Variants in ZNF362 observed in about 807,000 individuals in gnomAD.
ZNF362 encodes the protein rotund homolog.
ZNF362 carries 11 observed loss-of-function variants against 42.9 expected under a neutral mutation model. The observed-to-expected ratio is 0.26, with a 90% CI of 0.16 to 0.42. The LOEUF is 0.42. Ranked by LOEUF, ZNF362 falls within the 20% of genes least tolerant of loss-of-function variation. ZNF362 has a pLI of 1.00. For synonymous variants in ZNF362, 255 were observed against 257.3 expected, an observed-to-expected ratio of 0.99 and a Z score of 0.09; for missense variants, 362 against 576.2, an observed-to-expected ratio of 0.63 and a Z score of 3.81.
chr1:33,198,748 G>T, the ZNF362 span, among the ~76,000 whole-genome samples: 1 of 152,132 alleles, frequency 6.6e-6, no homozygotes, highest in Non-Finnish European at 1.5e-5. Context: ...AGGAGGCAAA[G>T]ACTTTAAAAC....
chr1:33,238,368 A>T, the ZNF362 span, among the ~76,000 whole-genome samples: 10 of 103,940 alleles, frequency 9.6e-5, no homozygotes, highest in African/African-American at 3.3e-4. Flanking sequence ...TAAAATAATA[A>T]AATAAAATAA....
the ZNF362 span, among the ~76,000 whole-genome samples, chr1:33,237,313 C>CTGT: frequency 6.6e-6 from 1 of 152,102 alleles, no homozygotes; most frequent in Admixed American, 6.5e-5. Context: ...GGTACTGTTA[C>CTGT]TGTTGTTGTT....
intron 2 of ZNF362, among the ~76,000 whole-genome samples, chr1:33,272,832 C>T (rs1645914253): frequency 6.6e-6 from 1 of 152,258 alleles, no homozygotes; most frequent in East Asian, 1.9e-4. Context: ...CTGCAGCTCT[C>T]TTTGGTGTCT....
the ZNF362 span, among the ~76,000 whole-genome samples, chr1:33,135,261 C>T: frequency 6.6e-6 from 1 of 152,276 alleles, no homozygotes; most frequent in South Asian, 2.1e-4. Flanking sequence ...GCACTCCTGC[C>T]TGGGTGACAG....
the ZNF362 span, among the ~76,000 whole-genome samples, chr1:33,247,336 C>A: frequency 2.0e-5 from 3 of 152,236 alleles, no homozygotes; most frequent in Non-Finnish European, 4.4e-5. Context: ...GGGGAGTGAA[C>A]CACCCAAACC....
the ZNF362 span, among the ~76,000 whole-genome samples, chr1:33,170,690 C>G: frequency 6.6e-6 from 1 of 152,276 alleles, no homozygotes; most frequent in South Asian, 2.1e-4. Context: ...GAAGGTAGGA[C>G]TTAGAAGGCT....
intron 8 of ZNF362, among the ~76,000 whole-genome samples, chr1:33,298,285 G>A (rs1646139300): frequency 6.6e-6 from 1 of 152,198 alleles, no homozygotes; most frequent in Admixed American, 6.5e-5. Context: ...AGGAGGTTGA[G>A]GCTGTGGTGA....
At chr1:33,255,530 C>G (rs1282263672), upstream of ZNF362, among the ~76,000 whole-genome samples, 1 of 151,756 alleles carries the variant, frequency 6.6e-6, no homozygotes, top group Non-Finnish European at 1.5e-5. Flanking sequence ...TGACACAGCT[C>G]GGGAGGCCGA....
At chr1:33,159,967 G>T in the ZNF362 span, 1 of 1,591,970 alleles carries the variant, frequency 6.3e-7, no homozygotes, top group Non-Finnish European at 8.5e-7. The surrounding 1 kb of genome is among the most constrained non-coding windows in gnomAD (Gnocchi z 4.2). Flanking sequence ...GTCGTCAGGG[G>T]TTATGGCTGG....
the ZNF362 span, among the ~76,000 whole-genome samples, chr1:33,217,162 T>C: frequency 1.6e-4 from 24 of 152,178 alleles, no homozygotes; most frequent in African/African-American, 5.3e-4. Flanking sequence ...TTGGAGATAA[T>C]TGTACTCCCA....
chr1:33,177,027 A>C, the ZNF362 span, among the ~76,000 whole-genome samples: 1 of 122,422 alleles, frequency 8.2e-6, no homozygotes, highest in South Asian at 2.7e-4. The surrounding 1 kb of genome is among the most constrained non-coding windows in gnomAD (Gnocchi z 4.1). Context: ...AGACACCAAC[A>C]CACATACACA....
At chr1:33,241,287 G>A in the ZNF362 span, among the ~76,000 whole-genome samples, 2 of 152,062 alleles carry the variant, frequency 1.3e-5, no homozygotes, top group African/African-American at 4.8e-5. Flanking sequence ...CTGAGATCAG[G>A]AGTTTGAAAC....
At chr1:33,146,699 A>G in the ZNF362 span, 2 of 176,616 alleles carry the variant, frequency 1.1e-5, no homozygotes, top group Non-Finnish European at 2.4e-5. Context: ...ACTACCTGTG[A>G]CCACTGTGGA....
the ZNF362 span, among the ~76,000 whole-genome samples, chr1:33,229,869 T>C: frequency 6.6e-6 from 1 of 152,164 alleles, no homozygotes. Context: ...GCCACATACA[T>C]TTAAAAATTA....
chr1:33,127,890 G>A, the ZNF362 span, among the ~76,000 whole-genome samples: 12 of 152,194 alleles, frequency 7.9e-5, no homozygotes, highest in African/African-American at 1.4e-4. Flanking sequence ...AATCGACACA[G>A]GCCTGTGCAG....
the ZNF362 span, among the ~76,000 whole-genome samples, chr1:33,218,990 C>T: frequency 6.8e-6 from 1 of 147,730 alleles, no homozygotes; most frequent in Non-Finnish European, 1.5e-5. Flanking sequence ...CATACACCAC[C>T]CCCTGCCCCC....
At chr1:33,144,617 A>C in the ZNF362 span, among the ~76,000 whole-genome samples, 1 of 152,338 alleles carries the variant, frequency 6.6e-6, no homozygotes, top group African/African-American at 2.4e-5. Flanking sequence ...AAGTAAAGTG[A>C]ACTTTAATTC....
chr1:33,296,886 A>T (rs1646128694), intron 8 of ZNF362, among the ~76,000 whole-genome samples: 1 of 142,596 alleles, frequency 7.0e-6, no homozygotes, highest in Non-Finnish European at 1.5e-5. Flanking sequence ...CCCAGGCTGG[A>T]ATCAAAATCC....
At chr1:33,159,761 G>A in the ZNF362 span, 18 of 1,613,540 alleles carry the variant, frequency 1.1e-5, no homozygotes, top group Non-Finnish European at 1.5e-5. The surrounding 1 kb of genome is among the most constrained non-coding windows in gnomAD (Gnocchi z 4.2). Flanking sequence ...TGCAGGATCT[G>A]GGCTCCCTCC....
Sources: allele counts gnomAD v4.1 joint callset (sites outside exome capture counted in the v4.1 genomes callset), GRCh38; gene constraint gnomAD v4.1.1; non-coding constraint Gnocchi (gnomAD v3.1); transcripts MANE v1.5; gene names NCBI Gene and HGNC (gene_info 2026-07-23, HGNC 2026-07-21).